The following CDH2 variants were observed in gnomAD, a reference collection of about 807,000 sequenced individuals.
The protein encoded by CDH2 is cadherin 2.
A neutral mutation model predicts 92.0 loss-of-function variants in CDH2; 17 were observed. The ratio of observed to expected loss-of-function variants is 0.18; its 90% CI spans 0.13 to 0.28. The LOEUF (loss-of-function observed/expected upper bound fraction) is 0.28, where lower values mean the gene tolerates loss of function less well. Ranked by LOEUF, CDH2 falls within the 10% of genes least tolerant of loss-of-function variation. CDH2 has a pLI of 1.00. For synonymous variants in CDH2, 419 were observed against 415.9 expected (o/e 1.01, Z -0.09); for missense variants, 862 against 1,133.1 (o/e 0.76, Z 3.44).
intron 2 of CDH2, among the ~76,000 whole-genome samples, chr18:28,073,172 AT>A (rs879626161): frequency 2.0e-5 from 3 of 152,170 alleles, no homozygotes; most frequent in Non-Finnish European, 4.4e-5. Context: ...GTGTAAACAA[AT>A]CTTCTTCCAA....
In CDH2 at chr18:27,985,112, C is replaced by T; in HGVS notation, c.2097G>A (p.Lys699=). ...PKSNISILRV[K]VCQCDSNGDC... ...CCCCGTTGGAGTCACACTGGCAAAC[C>T]TTCACACGCAGGATGGAAATATTTG... The change falls in exon 13 of 16, where the codon AAG becomes AAA. Residue 699 remains lysine (K), a synonymous_variant. Coordinates refer to ENST00000269141, the MANE Select transcript of CDH2 (RefSeq NM_001792.5). 6.2e-7 allele frequency: 1 copy of T among 1,614,030 alleles called. No homozygotes were observed.
At chr18:27,945,256 C>T (rs1909241424) in intron 6 of CDH2, among the ~76,000 whole-genome samples, 1 of 146,788 alleles carries the variant, frequency 6.8e-6, no homozygotes, top group Non-Finnish European at 1.5e-5. Flanking sequence ...GAGAAGTGCT[C>T]TTGCTTTCTC....
chr18:28,087,638 T>C (rs1387438517), intron 2 of CDH2, among the ~76,000 whole-genome samples: 1 of 152,190 alleles, frequency 6.6e-6, no homozygotes, highest in African/African-American at 2.4e-5. Flanking sequence ...CAAATGTGTA[T>C]TCCTTTGATA....
intron 15 of CDH2, among the ~76,000 whole-genome samples, chr18:27,953,691 A>C (rs2143856782): frequency 6.6e-6 from 1 of 152,278 alleles, no homozygotes; most frequent in Admixed American, 6.5e-5. Context: ...TTAAGAGATC[A>C]GACTGTGAGA....
chr18:28,013,137 C>T (rs1207067994), intron 3 of CDH2, among the ~76,000 whole-genome samples: 1 of 152,162 alleles, frequency 6.6e-6, no homozygotes, highest in Non-Finnish European at 1.5e-5. Context: ...GAATGGCACT[C>T]TGTTGGAAAT....
At chr18:28,008,745 A>G (rs147280498) in intron 5 of CDH2, among the ~76,000 whole-genome samples, 1 of 145,082 alleles carries the variant, frequency 6.9e-6, no homozygotes, top group Non-Finnish European at 1.5e-5. Flanking sequence ...AGTATAATAT[A>G]AAAAAAAAAA....
chr18:28,083,934 G>C (rs904218226), intron 2 of CDH2, among the ~76,000 whole-genome samples: 1 of 152,092 alleles, frequency 6.6e-6, no homozygotes, highest in East Asian at 1.9e-4. Context: ...GGTTTAATGA[G>C]TTCTACCTCT....
intron 2 of CDH2, among the ~76,000 whole-genome samples, chr18:28,137,967 A>C (rs1462510203): frequency 6.6e-6 from 1 of 151,990 alleles, no homozygotes; most frequent in African/African-American, 2.4e-5. Context: ...ATGTGTCTTA[A>C]AGTTGCTGTA....
intron 1 of CDH2, among the ~76,000 whole-genome samples, chr18:28,149,542 G>A (rs990446881): frequency 6.6e-6 from 1 of 152,164 alleles, no homozygotes; most frequent in Admixed American, 6.5e-5. Context: ...GCACACTGCA[G>A]TATGAAATCT....
In CDH2 at chr18:27,951,734, T is replaced by C. The variant is rs181063575; in HGVS notation, c.*419A>G. 1.5e-4 allele frequency: 24 copies of C among 159,314 alleles called. No homozygotes were observed. Among genetic ancestry groups the C allele is most frequent in the Admixed American group, 2.4e-4 (4 of 16,466 alleles). The allele number at this position is 159,314 out of a possible 1,614,324, so 9.9% of individuals were successfully genotyped here. A position where few individuals can be genotyped will look rare whatever the true frequency, so the allele number is the denominator to read the frequency against. On this transcript the variant is annotated 3_prime_UTR_variant, in exon 16 of 16. Transcript: ENST00000269141. ...CGCTCCATGAGTTTTTTTGTTTGTTTAATTTTGTATTTTAATAAAAGCAAA... is the reference window on the plus strand; with the variant it reads ...CGCTCCATGAGTTTTTTTGTTTGTTCAATTTTGTATTTTAATAAAAGCAAA...
At chr18:28,075,195 G>C (rs1423147835) in intron 2 of CDH2, among the ~76,000 whole-genome samples, 2 of 152,154 alleles carry the variant, frequency 1.3e-5, no homozygotes, top group Non-Finnish European at 2.9e-5. Context: ...TCTATGGGAA[G>C]AAAGCACATA....
chr18:27,995,691 G>A (rs2012559798), intron 7 of CDH2, among the ~76,000 whole-genome samples: 1 of 152,048 alleles, frequency 6.6e-6, no homozygotes, highest in African/African-American at 2.4e-5. Flanking sequence ...CCATTGATCT[G>A]CAATATTGGA....
intron 2 of CDH2, among the ~76,000 whole-genome samples, chr18:28,076,887 T>C (rs1009824758): frequency 3.3e-5 from 5 of 151,952 alleles, no homozygotes; most frequent in Non-Finnish European, 5.9e-5. Flanking sequence ...GCAAATCTGA[T>C]AGATGGAAAA....
At chr18:28,125,094 C>T (rs1410093632) in intron 2 of CDH2, among the ~76,000 whole-genome samples, 5 of 152,152 alleles carry the variant, frequency 3.3e-5, no homozygotes, top group African/African-American at 9.7e-5. Flanking sequence ...CGTTCCAGTA[C>T]GTGAGACATT....
intron 2 of CDH2, among the ~76,000 whole-genome samples, chr18:28,052,113 T>C (rs1488786646): frequency 1.3e-5 from 2 of 152,170 alleles, no homozygotes; most frequent in African/African-American, 4.8e-5. Context: ...TATATGAAGT[T>C]AAAGCAAGCT....
chr18:27,972,203 T>C (rs2011681864), intron 14 of CDH2, among the ~76,000 whole-genome samples: 1 of 152,192 alleles, frequency 6.6e-6, no homozygotes, highest in Non-Finnish European at 1.5e-5. Context: ...CTTCTCCAGA[T>C]TTTAACTTTG....
intron 15 of CDH2, among the ~76,000 whole-genome samples, chr18:27,952,896 G>T (rs1909534479): frequency 6.6e-6 from 1 of 152,016 alleles, no homozygotes; most frequent in Non-Finnish European, 1.5e-5. Context: ...GGTTGTGGGG[G>T]AAAAAAATTC....
rs199857913 is a variant in CDH2, at chr18:27,990,279, C to G, written c.1416G>C (p.Lys472Asn). The change falls in exon 10 of 16, where the codon AAG (lysine) becomes AAC (asparagine). Residue 472 changes from lysine (K) to asparagine (N), a missense_variant. By Grantham distance (94) the Lys-to-Asn change is moderately conservative. This residue lies in a region of CDH2 where 564 missense variants were observed against 722.2 expected (regional missense o/e 0.78). Transcript: ENST00000269141. ...TTGACTGAGGGGGGTGCTGAATTCC[C>G]TTGGCTAATGGCACTTGATTTTCTG... The part of the protein sequence containing the change: ...VAAENQVPLA[K>N]GIQHPPQSTA... The G allele has an allele frequency of 1.9e-6, 3 of 1,613,812 alleles. No individual in the cohort carries two copies. The highest frequency in any genetic ancestry group is 2.7e-5 in the African/African-American group (2 of 74,894).
rs7240139 is a variant in CDH2 at position 28,147,606 on chromosome 18, T to C, written c.172+67A>G. ...TATACAGTAGAAATGATTTAGGCTT[T>C]TTTAATGGCTAATTTGTTTCATGAG... On this transcript the variant is annotated intron_variant, in intron 2 of 15. Coordinates refer to ENST00000269141, the MANE Select transcript of CDH2 (RefSeq NM_001792.5). The C allele has an allele frequency of 7.4e-3, 7,377 of 1,002,088 alleles. 391 individuals carry two copies. In the African/African-American group the frequency reaches 0.11, roughly 14 times the overall value. 62.1% of individuals were successfully genotyped at this position (1,002,088 alleles called of 1,614,324 possible). A position where few individuals can be genotyped will look rare whatever the true frequency, so the allele number is the denominator to read the frequency against.
Sources: gnomAD v4.1 joint callset for allele counts (sites outside exome capture counted in the v4.1 genomes callset) on GRCh38, gnomAD v4.1.1 for gene constraint, gnomAD v4.1.1 regional missense constraint, MANE v1.5 for transcripts, NCBI Gene and HGNC (gene_info 2026-07-23, HGNC 2026-07-21) for gene names.